Variants in MLIP observed in about 807,000 individuals in gnomAD.
MLIP encodes muscular LMNA-interacting protein.
A neutral mutation model predicts 84.8 loss-of-function variants in MLIP; 79 were observed. That is an observed-to-expected ratio of 0.93 (90% CI 0.78 to 1.12). The LOEUF is 1.12. Among genes scored for constraint, MLIP ranks in the 50% most tolerant of loss-of-function variants. The pLI is 0.00. For synonymous variants in MLIP, 504 were observed against 463.0 expected, an observed-to-expected ratio of 1.09 and a Z score of -1.14; for missense variants, 1,257 against 1,160.6, an observed-to-expected ratio of 1.08 and a Z score of -1.21.
At position 54,111,468 on chromosome 6, in the gene MLIP, T is replaced by C; in HGVS notation, c.-12T>C. 2.0e-6 allele frequency: 3 copies of C among 1,535,994 alleles called. No homozygotes were observed. In the Middle Eastern group the frequency reaches 5.0e-4, roughly 256 times the overall value. ...AGTCATTGGTTTGCTCGCTCCCTTA[T>C]GTGATGAATCAATGCTTTCAGAACA... On this transcript the variant is annotated 5_prime_UTR_variant, in exon 1 of 14. An upstream start codon of the reference 5' UTR is lost. Transcript: ENST00000502396.
intron 1 of MLIP, among the ~76,000 whole-genome samples, chr6:54,093,284 G>A (rs1767977362): frequency 6.6e-6 from 1 of 151,422 alleles, no homozygotes. Context: ...ATATATATCT[G>A]AAACAGAGTC....
upstream of MLIP, among the ~76,000 whole-genome samples, chr6:54,109,718 T>TTG (rs1002618997): frequency 2.0e-5 from 3 of 152,030 alleles, no homozygotes; most frequent in Non-Finnish European, 2.9e-5. Context: ...ACTCAAAGTG[T>TTG]AACACACCAG....
intron 12 of MLIP, among the ~76,000 whole-genome samples, chr6:54,252,514 CATATA>C (rs1034844979): frequency 5.0e-5 from 7 of 138,814 alleles, no homozygotes; most frequent in African/African-American, 1.1e-4. Context: ...TATATTATAA[CATATA>C]ATATATAATA....
intron 10 of MLIP, among the ~76,000 whole-genome samples, chr6:54,193,792 T>G (rs548861625): frequency 1.4e-4 from 21 of 152,074 alleles, no homozygotes; most frequent in Non-Finnish European, 2.8e-4. Context: ...AAAGGAAAGA[T>G]CTAGGGTCTG....
At chr6:54,150,549 C>G (rs1021274093) in intron 5 of MLIP, among the ~76,000 whole-genome samples, 4 of 152,188 alleles carry the variant, frequency 2.6e-5, no homozygotes, top group African/African-American at 4.8e-5. Flanking sequence ...GAGAATCACT[C>G]TCCATCAGCA....
chr6:54,043,144 C>T (rs530095429), intron 1 of MLIP, among the ~76,000 whole-genome samples: 54 of 152,254 alleles, frequency 3.5e-4, no homozygotes, highest in African/African-American at 1.2e-3. Context: ...AGTGCTGCTC[C>T]CTTTTAGCAG....
rs533096372 is a variant in MLIP, at chr6:54,134,623, ATGTT to A, written c.646-2089_646-2086del. Among the ~76,000 whole-genome samples the A allele has an allele frequency of 2.0e-3, 310 of 152,122 alleles. 1 individual carries two copies. Among genetic ancestry groups the A allele is most frequent in the Non-Finnish European group, 3.4e-3 (232 of 67,942 alleles). ...GTAAAATATTAATTAATGTAGTAGAATGTTTGGTCATTAGAAGCCATAGTTTTGA... is the reference window on the plus strand; with the variant it reads ...GTAAAATATTAATTAATGTAGTAGAATGGTCATTAGAAGCCATAGTTTTGA... On this transcript the variant is annotated intron_variant, in intron 3 of 13. Coordinates refer to ENST00000502396, the MANE Select transcript of MLIP (RefSeq NM_001281747.2).
In MLIP at chr6:54,019,755, A is replaced by T. The variant is rs138505364; in HGVS notation, c.63+664A>T. Among the ~76,000 whole-genome samples the T allele has an allele frequency of 1.6e-3, 237 of 152,340 alleles. 2 individuals carry two copies. The highest frequency in any genetic ancestry group is 5.4e-3 in the African/African-American group (223 of 41,588). ...GTTAACATTGGAACAGGTCATAACTAATGTTAATATCAGCATAAATAACAA... is the reference window on the plus strand; with the variant it reads ...GTTAACATTGGAACAGGTCATAACTTATGTTAATATCAGCATAAATAACAA... On this transcript the variant is annotated intron_variant, in intron 1 of 12. Coordinates refer to the MLIP transcript ENST00000274897.
intron 13 of MLIP, 63 bp downstream of exon 13, chr6:54,257,424 A>G (rs1554195830): frequency 1.7e-5 from 21 of 1,272,356 alleles, no homozygotes; most frequent in Non-Finnish European, 1.7e-5. Context: ...GAAATAAACC[A>G]ATCTTATTTT....
chr6:54,072,281 A>T (rs1040986263), intron 1 of MLIP, among the ~76,000 whole-genome samples: 1 of 152,144 alleles, frequency 6.6e-6, no homozygotes, highest in African/African-American at 2.4e-5. Flanking sequence ...CCTCATGCTC[A>T]AGAAACCTTT....
Position 54,150,430 on chromosome 6 carries a change from G to GC in MLIP, c.2289+1305dup, listed in dbSNP as rs371991416. Among the ~76,000 whole-genome samples, 845 of 152,276 alleles carry GC rather than the reference G, an allele frequency of 5.5e-3. 13 individuals are homozygous for GC. Among genetic ancestry groups the GC allele is most frequent in the African/African-American group, 0.018 (764 of 41,556 alleles). On this transcript the variant is annotated intron_variant, in intron 5 of 13. Coordinates refer to ENST00000502396, the MANE Select transcript of MLIP (RefSeq NM_001281747.2). ...ATTGCCCCTTATTCCACACTCTGGGGCCATAATGGTGGGAGATGGTGGCAG... is the reference window on the plus strand; with the variant it reads ...ATTGCCCCTTATTCCACACTCTGGGGCCCATAATGGTGGGAGATGGTGGCAG...
At chr6:54,030,819 A>G (rs1764090483) in intron 1 of MLIP, among the ~76,000 whole-genome samples, 1 of 152,214 alleles carries the variant, frequency 6.6e-6, no homozygotes, top group South Asian at 2.1e-4. Context: ...TACAGGCCAG[A>G]TAATTTTACT....
At chr6:54,142,592 G>A (rs746377640) in intron 4 of MLIP, among the ~76,000 whole-genome samples, 7 of 152,098 alleles carry the variant, frequency 4.6e-5, no homozygotes, top group African/African-American at 9.7e-5. Flanking sequence ...GCTGGGAGCC[G>A]GATCCTGTAG....
chr6:54,089,006 GA>G (rs1345741791), intron 1 of MLIP, among the ~76,000 whole-genome samples: 1 of 151,344 alleles, frequency 6.6e-6, no homozygotes, highest in African/African-American at 2.4e-5. Context: ...GTGGAACCTG[GA>G]AAAAAAAGTG....
At chr6:54,073,439 T>G (rs1351761025) in intron 1 of MLIP, among the ~76,000 whole-genome samples, 1 of 152,186 alleles carries the variant, frequency 6.6e-6, no homozygotes, top group Non-Finnish European at 1.5e-5. Flanking sequence ...CAAATGAACT[T>G]TTAGTTTCTG....
At chr6:54,187,546 C>T (rs764613693) in intron 9 of MLIP, among the ~76,000 whole-genome samples, 4 of 152,024 alleles carry the variant, frequency 2.6e-5, no homozygotes, top group Non-Finnish European at 5.9e-5. Flanking sequence ...ATTATTAAGA[C>T]GTTAACTTCA....
chr6:54,163,451 G>T (rs1291201025), intron 8 of MLIP, among the ~76,000 whole-genome samples: 1 of 150,896 alleles, frequency 6.6e-6, no homozygotes, highest in Non-Finnish European at 1.5e-5. Context: ...GTTTTTTTCT[G>T]CTTTCCTTAG....
chr6:54,260,751 A>C (rs892573704), intron 13 of MLIP, among the ~76,000 whole-genome samples: 3 of 151,970 alleles, frequency 2.0e-5, no homozygotes, highest in Non-Finnish European at 4.4e-5. Flanking sequence ...CTGTGTTGAG[A>C]TCCACTGTAA....
rs759703471 is a variant in MLIP at position 54,124,495 on chromosome 6, C to T, written c.275C>T (p.Thr92Ile). 4 of 1,613,810 alleles carry T rather than the reference C, an allele frequency of 2.5e-6. No homozygotes were observed. In the Admixed American group the frequency reaches 6.7e-5, roughly 27 times the overall value. The change falls in exon 3 of 14, where the codon ACC (threonine) becomes ATC (isoleucine). Residue 92 changes from threonine to isoleucine, a missense_variant. Physicochemically the swap from Thr to Ile is moderately conservative, Grantham distance 89. Transcript: ENST00000502396. ...CAGTCTAAATCCAATGACTACTTGA[C>T]CTTGAATGCTGGGAGCCAACAAGAG... The part of the protein sequence containing the change: ...VNRSKSNDYL[T>I]LNAGSQQERD...
Sources: allele counts gnomAD v4.1 joint callset (sites outside exome capture counted in the v4.1 genomes callset), GRCh38; gene constraint gnomAD v4.1.1; transcripts MANE v1.5; gene names NCBI Gene and HGNC (gene_info 2026-07-23, HGNC 2026-07-21).